The following SON variants were observed in gnomAD, a reference collection of about 807,000 sequenced individuals.
The protein encoded by SON is SON DNA and RNA binding protein.
In SON, 4 loss-of-function variants were observed where a neutral mutation model predicts 173.3. The observed-to-expected ratio is 0.02, with a 90% CI of 0.01 to 0.05. The LOEUF is 0.05. Among genes scored for constraint, SON ranks in the 10% least tolerant of loss-of-function variants. The probability of loss-of-function intolerance (pLI) is 1.00; values close to 1 mark genes in which losing one functional copy is unlikely to be tolerated. For synonymous variants in SON, 1,190 were observed against 1,105.9 expected (o/e 1.08, Z -1.51); for missense variants, 2,626 against 3,055.3 (o/e 0.86, Z 3.31).
intron 6 of SON, among the ~76,000 whole-genome samples, chr21:33,565,684 G>C (rs1478809256): frequency 6.6e-6 from 1 of 152,142 alleles, no homozygotes; most frequent in African/African-American, 2.4e-5. Flanking sequence ...AATCAACTTA[G>C]CGAAATTACA....
rs1364574242 is a variant in SON at position 33,559,519 on chromosome 21, A to G, written c.6469-68A>G. 1.3e-6 allele frequency: 2 copies of G among 1,496,038 alleles called. No homozygotes were observed. Among genetic ancestry groups the G allele is most frequent in the Non-Finnish European group, 1.8e-6 (2 of 1,105,598 alleles). The allele number at this position is 1,496,038 out of a possible 1,614,324, so 92.7% of individuals were successfully genotyped here. A position where few individuals can be genotyped will look rare whatever the true frequency, so the allele number is the denominator to read the frequency against. ...TAATATCATTTCCTTCAGATTATGTAGAAAATCTCAAACCATTTAATGTAG... is the reference window on the plus strand; with the variant it reads ...TAATATCATTTCCTTCAGATTATGTGGAAAATCTCAAACCATTTAATGTAG... On this transcript the variant is annotated intron_variant, in intron 5 of 11. Coordinates refer to ENST00000356577, the MANE Select transcript of SON (RefSeq NM_138927.4). The surrounding 1 kb of genome is among the most constrained non-coding windows in gnomAD (Gnocchi z 4.1).
intron 2 of SON, chr21:33,546,987 T>A (rs1209054697): frequency 6.6e-6 from 1 of 152,184 alleles, no homozygotes; most frequent in Non-Finnish European, 1.5e-5. Context: ...TCTTTTTTCT[T>A]TTTTTTGAGA....
chr21:33,565,744 T>C (rs2086156696), intron 6 of SON, among the ~76,000 whole-genome samples: 1 of 152,242 alleles, frequency 6.6e-6, no homozygotes, highest in Non-Finnish European at 1.5e-5. Context: ...TTAGACTGTT[T>C]ATAGATCTCT....
chr21:33,571,194 T>C (rs1370972686), intron 8 of SON, among the ~76,000 whole-genome samples: 3 of 152,282 alleles, frequency 2.0e-5, no homozygotes, highest in Middle Eastern at 3.4e-3. Flanking sequence ...ATAGAATTAC[T>C]GAAGAATATT....
chr21:33,553,380 C>T lies in SON; in HGVS notation c.4149C>T (p.Val1383=), dbSNP rs766534997. 1 of 1,613,970 alleles carries T rather than the reference C, an allele frequency of 6.2e-7. No homozygotes were observed. Among genetic ancestry groups the T allele is most frequent in the Non-Finnish European group, 8.5e-7 (1 of 1,179,882 alleles). The change falls in exon 3 of 12, where the codon GTC becomes GTT. Residue 1383 remains valine, a synonymous_variant. Coordinates refer to ENST00000356577, the MANE Select transcript of SON (RefSeq NM_138927.4). The stretch of plus-strand genomic sequence containing the variant: ...TCCTGGAGTCTTCGACTGTAACTGT[C>T]CTGGAGCCTTCGGTTGTGACTGTCC... The part of the protein sequence containing the change: ...VTVLESSTVT[V]LEPSVVTVPE...
intron 8 of SON, chr21:33,573,038 A>C (rs1320663558): frequency 3.9e-6 from 1 of 256,572 alleles, no homozygotes; most frequent in Non-Finnish European, 7.4e-6. Context: ...GAGTGTTCTA[A>C]TTTTTTTTTT....
intron 6 of SON, among the ~76,000 whole-genome samples, chr21:33,565,083 TTTCA>T (rs1265681266): frequency 6.6e-6 from 1 of 151,976 alleles, no homozygotes; most frequent in Non-Finnish European, 1.5e-5. Flanking sequence ...ATTTGAAGAG[TTTCA>T]TTCTGGGGAT....
At position 33,576,011 on chromosome 21, in the gene SON, T is replaced by G; in HGVS notation, c.7221+118T>G. 3 of 578,504 alleles carry G rather than the reference T, an allele frequency of 5.2e-6. No individual in the cohort carries two copies. In the South Asian group the frequency reaches 8.2e-5, roughly 16 times the overall value. The allele number at this position is 578,504 out of a possible 1,614,324, so 35.8% of individuals were successfully genotyped here. ...TTCATGGGTGGGGGGTTTGTATTTG[T>G]AGTTAAGTGGTGGGGTTTTTAAACA... On this transcript the variant is annotated intron_variant, in intron 11 of 11. Coordinates refer to ENST00000356577, the MANE Select transcript of SON (RefSeq NM_138927.4).
chr21:33,554,381 C>T lies in SON; in HGVS notation c.5150C>T (p.Pro1717Leu), dbSNP rs371056749. The T allele has an allele frequency of 1.1e-5, 17 of 1,614,178 alleles. No homozygotes were observed. In the East Asian group the frequency reaches 2.0e-4, roughly 19 times the overall value. The change falls in exon 3 of 12, where the codon CCT becomes CTT. Residue 1717 changes from proline to leucine, a missense_variant. Coordinates refer to ENST00000356577, the MANE Select transcript of SON (RefSeq NM_138927.4). ...CCTCCCCCTCCTAAAGAGACACTGC[C>T]TGATTCAGGATTTTCTGCCAATATT... is the stretch of plus-strand genomic sequence containing the variant. ...EVPPPPKETL[P>L]DSGFSANIED...
In SON at chr21:33,557,353, A is replaced by C. The variant is rs1188444995; in HGVS notation, c.6321+37A>C. 5.0e-6 allele frequency: 8 copies of C among 1,608,552 alleles called. No individual in the cohort carries two copies. In the African/African-American group the frequency reaches 6.7e-5, roughly 13 times the overall value. ...AGAATTTGTTTTCATTCTTAAATGG[A>C]TTATTCCAGTGATGTTGACTCTGGA... is the stretch of plus-strand genomic sequence containing the variant. On this transcript the variant is annotated intron_variant, in intron 4 of 11. Coordinates refer to ENST00000356577, the MANE Select transcript of SON (RefSeq NM_138927.4).
Position 33,549,923 on chromosome 21 carries a change from C to T in SON, c.692C>T (p.Ala231Val). 6.2e-7 allele frequency: 1 copy of T among 1,614,188 alleles called. No homozygotes were observed. Among genetic ancestry groups the T allele is most frequent in the Non-Finnish European group, 8.5e-7 (1 of 1,180,040 alleles). ...VISEQSEQSVAVMPEPSMTKI... is the reference protein window; with the variant it reads ...VISEQSEQSVVVMPEPSMTKI... ...TCAGAGCAGTCAGAGCAGTCTGTGGCAGTAATGCCAGAACCATCCATGACA... is the reference window on the plus strand; with the variant it reads ...TCAGAGCAGTCAGAGCAGTCTGTGGTAGTAATGCCAGAACCATCCATGACA... The change falls in exon 3 of 12, where the codon GCA becomes GTA. Residue 231 changes from alanine to valine, a missense_variant. Coordinates refer to ENST00000356577, the MANE Select transcript of SON (RefSeq NM_138927.4).
chr21:33,555,803 T>C (rs1054915592), intron 3 of SON, among the ~76,000 whole-genome samples: 1 of 152,228 alleles, frequency 6.6e-6, no homozygotes, highest in Admixed American at 6.5e-5. Flanking sequence ...TTTAAATAAG[T>C]TAACATATCT....
chr21:33,557,785 A>G, intron 4 of SON: 1 of 1,237,640 alleles, frequency 8.1e-7, no homozygotes, highest in Non-Finnish European at 1.1e-6. Flanking sequence ...CTTCTTTCGC[A>G]TCAACATTTC....
Position 33,550,516 on chromosome 21 carries a change from G to C in SON, c.1285G>C (p.Gly429Arg), listed in dbSNP as rs1425921918. 2 of 1,613,734 alleles carry C rather than the reference G, an allele frequency of 1.2e-6. No individual in the cohort carries two copies. Among genetic ancestry groups the C allele is most frequent in the African/African-American group, 2.7e-5 (2 of 74,830 alleles). The change falls in exon 3 of 12, where the codon GGG (glycine) becomes CGG (arginine). Residue 429 changes from glycine (G) to arginine (R), a missense_variant. Physicochemically the swap from Gly to Arg is moderately radical, Grantham distance 125. Transcript: ENST00000356577. ...PLSTPVPELPGPPATAVPELP... is the reference protein window; with the variant it reads ...PLSTPVPELPRPPATAVPELP... Reference sequence around the variant, plus strand: ...TTCTACCCCAGTGCCTGAGTTGCCAGGGCCCCCTGCGACAGCAGTGCCTGA... The same window carrying C: ...TTCTACCCCAGTGCCTGAGTTGCCACGGCCCCCTGCGACAGCAGTGCCTGA...
In SON at chr21:33,559,914, T is replaced by A; in HGVS notation, c.6657+139T>A. 1 of 1,611,980 alleles carries A rather than the reference T, an allele frequency of 6.2e-7. No individual in the cohort carries two copies. The highest frequency in any genetic ancestry group is 8.5e-7 in the Non-Finnish European group (1 of 1,178,274). On this transcript the variant is annotated intron_variant, in intron 6 of 11. Transcript: ENST00000356577. The surrounding 1 kb of genome is among the most constrained non-coding windows in gnomAD (Gnocchi z 4.1). ...CGGCAGGGCCGGGTTAGACGACAGA[T>A]GAAACAACCCGCAGCTTCTCATTTG...
chr21:33,576,107 A>G (rs907466567), intron 11 of SON, among the ~76,000 whole-genome samples: 3 of 152,144 alleles, frequency 2.0e-5, no homozygotes, highest in Non-Finnish European at 2.9e-5. Flanking sequence ...AAAATATAGT[A>G]TACAATTGTT....
chr21:33,559,375 A>G lies in SON; in HGVS notation c.6467A>G (p.Asn2156Ser). ...CCCAAACCTATTTTTTTCAATCTGAATGTGAGTATTAGTGCTTATGGATTG... is the reference window on the plus strand; with the variant it reads ...CCCAAACCTATTTTTTTCAATCTGAGTGTGAGTATTAGTGCTTATGGATTG... ...SEPKPIFFNL[N>S]IAAAKPTPPK... Residue 2156 changes from asparagine (N) to serine (S), a missense_variant and splice_region_variant, in exon 5 of 12, where the codon AAT (asparagine) becomes AGT (serine). Physicochemically the swap from Asn to Ser is conservative, Grantham distance 46. Transcript: ENST00000356577. This position sits in a 1 kb window ranked among gnomAD's most constrained non-coding sequence, Gnocchi z 4.1. The G allele has an allele frequency of 6.2e-7, 1 of 1,607,114 alleles. No homozygotes were observed. Among genetic ancestry groups the G allele is most frequent in the Non-Finnish European group, 8.5e-7 (1 of 1,177,770 alleles).
intron 2 of SON, among the ~76,000 whole-genome samples, chr21:33,547,274 G>T (rs1396538430): frequency 6.6e-6 from 1 of 152,062 alleles, no homozygotes; most frequent in African/African-American, 2.4e-5. Context: ...GAGCCACCGC[G>T]CCCGGCTTGA....
chr21:33,549,398 T>C (rs2085700367), intron 2 of SON, 78 bp from the exon 3 acceptor site: 1 of 1,268,128 alleles, frequency 7.9e-7, no homozygotes. Flanking sequence ...TAACATGGAA[T>C]GTAAATATGG....
Sources: gnomAD v4.1 joint callset for allele counts (sites outside exome capture counted in the v4.1 genomes callset) on GRCh38, gnomAD v4.1.1 for gene constraint, Gnocchi (gnomAD v3.1) non-coding constraint, MANE v1.5 for transcripts, NCBI Gene and HGNC (gene_info 2026-07-23, HGNC 2026-07-21) for gene names.